The following C2orf78 variants were observed in gnomAD, a reference collection of about 807,000 sequenced individuals.
C2orf78 encodes uncharacterized protein C2orf78.
C2orf78 carries 12 observed loss-of-function variants against 21.4 expected under a neutral mutation model. The observed-to-expected ratio is 0.56, with a 90% CI of 0.36 to 0.91. The LOEUF is 0.91. Among genes scored for constraint, C2orf78 ranks in the 40% least tolerant of loss-of-function variants. The pLI, the probability that C2orf78 is intolerant of heterozygous loss-of-function variation, is 0.01. For synonymous variants in C2orf78, 396 were observed against 413.9 expected (o/e 0.96, Z 0.52); for missense variants, 1,042 against 1,092.4 (o/e 0.95, Z 0.65).
chr2:73,813,927 C>T, exon 2 of C2orf78: 2 of 1,614,060 alleles, frequency 1.2e-6, no homozygotes, highest in Non-Finnish European at 1.7e-6. Flanking sequence ...TCACTATCTG[C>T]CAGCCTTGTT....
At chr2:73,814,711 C>T (rs1673158622) in intron 2 of C2orf78, among the ~76,000 whole-genome samples, 1 of 152,190 alleles carries the variant, frequency 6.6e-6, no homozygotes, top group Admixed American at 6.5e-5. Context: ...CCACTCTCTA[C>T]CTTACCCTAG....
chr2:73,808,912 A>AAAC (rs1229635912), intron 1 of C2orf78: 2 of 880,842 alleles, frequency 2.3e-6, no homozygotes, highest in African/African-American at 3.5e-5. Context: ...GTAAAGAGAG[A>AAAC]AACTTTTTAA....
intron 1 of C2orf78, among the ~76,000 whole-genome samples, chr2:73,812,385 T>C (rs1673107164): frequency 6.6e-6 from 1 of 152,224 alleles, no homozygotes; most frequent in African/African-American, 2.4e-5. Flanking sequence ...TCTTCCTCAT[T>C]ATAAGTCATA....
intron 1 of C2orf78, among the ~76,000 whole-genome samples, chr2:73,784,872 A>G (rs1672895958): frequency 6.6e-6 from 1 of 151,398 alleles, no homozygotes; most frequent in Non-Finnish European, 1.5e-5. Flanking sequence ...GATGTTTTAA[A>G]TAATATTCAG....
intron 1 of C2orf78, among the ~76,000 whole-genome samples, chr2:73,811,198 G>A (rs1163365285): frequency 6.6e-6 from 1 of 151,790 alleles, no homozygotes; most frequent in Non-Finnish European, 1.5e-5. Flanking sequence ...GGCTTAGGCA[G>A]GAGAATCTCT....
Position 73,816,100 on chromosome 2 carries a change from T to C in C2orf78, c.1877T>C (p.Leu626Pro), listed in dbSNP as rs1207635339. The stretch of plus-strand genomic sequence containing the variant: ...ACCCTTAAAAAGCCCCGAAGCTCCC[T>C]AGGCATGCACATGCTAGAGTCCGTG... The change falls in exon 3 of 3, where the codon CTA becomes CCA. Residue 626 changes from leucine (L) to proline (P), a missense_variant. Leu to Pro is a moderately conservative substitution (Grantham distance 98). Coordinates refer to ENST00000409561, the Ensembl canonical transcript of C2orf78. 3.7e-6 allele frequency: 6 copies of C among 1,613,922 alleles called. No individual in the cohort carries two copies. In the South Asian group the frequency reaches 5.5e-5, roughly 15 times the overall value.
intron 1 of C2orf78, chr2:73,808,833 C>T (rs1673011509): frequency 7.4e-7 from 1 of 1,359,826 alleles, no homozygotes; most frequent in African/African-American, 1.5e-5. Flanking sequence ...GCCACCCAGA[C>T]ATCCGCTAGT....
chr2:73,815,197 G>A (rs1160473647), exon 3 of C2orf78: 2 of 1,613,958 alleles, frequency 1.2e-6, no homozygotes, highest in South Asian at 1.1e-5. Context: ...ACACTTGAGA[G>A]TAACCCATCA....
At chr2:73,816,577 A>G in exon 3 of C2orf78, 1 of 1,613,374 alleles carries the variant, frequency 6.2e-7, no homozygotes, top group Non-Finnish European at 8.5e-7. Flanking sequence ...ACACCAGCTC[A>G]GCCAATTTCA....
exon 3 of C2orf78, chr2:73,815,096 T>G: frequency 6.2e-7 from 1 of 1,613,150 alleles, no homozygotes; most frequent in Non-Finnish European, 8.5e-7. Flanking sequence ...TGGGGATGGA[T>G]ACTTCCCTGG....
chr2:73,810,524 T>C (rs992408980), intron 1 of C2orf78, among the ~76,000 whole-genome samples: 1 of 117,244 alleles, frequency 8.5e-6, no homozygotes, highest in Non-Finnish European at 1.8e-5. Context: ...CGAAACTCTG[T>C]CTCAAAAAGA....
chr2:73,810,625 T>TAA (rs398104439), intron 1 of C2orf78, among the ~76,000 whole-genome samples: 3 of 135,370 alleles, frequency 2.2e-5, no homozygotes, highest in Non-Finnish European at 4.7e-5. Context: ...TATATATACA[T>TAA]AATATATATA....
chr2:73,816,278 G>C, exon 3 of C2orf78: 2 of 1,613,896 alleles, frequency 1.2e-6, no homozygotes, highest in Non-Finnish European at 1.7e-6. Flanking sequence ...AAGGCCCGGA[G>C]AAAATTCAAG....
At chr2:73,815,105 G>T in exon 3 of C2orf78, 1 of 1,613,626 alleles carries the variant, frequency 6.2e-7, no homozygotes, top group Non-Finnish European at 8.5e-7. Context: ...ATACTTCCCT[G>T]GGATTGCAAT....
At chr2:73,784,696 T>C (rs1400713183) in intron 1 of C2orf78, among the ~76,000 whole-genome samples, 248 of 150,162 alleles carry the variant, frequency 1.7e-3, no homozygotes, top group African/African-American at 5.4e-3. Context: ...GGTATACGTA[T>C]AGAAAATGAA....
At chr2:73,809,648 G>A (rs1041554217) in intron 1 of C2orf78, among the ~76,000 whole-genome samples, 7 of 152,094 alleles carry the variant, frequency 4.6e-5, no homozygotes, top group Admixed American at 1.3e-4. Context: ...CTCAGCCAGG[G>A]TTGGGGGTGT....
At chr2:73,808,947 C>G (rs1462075308) in intron 1 of C2orf78, 1 of 616,922 alleles carries the variant, frequency 1.6e-6, no homozygotes, top group Admixed American at 2.9e-5. Context: ...GATTTCTTTG[C>G]CACTAAATTT....
exon 2 of C2orf78, chr2:73,813,600 C>A (rs1673131215): frequency 1.2e-6 from 2 of 1,614,046 alleles, no homozygotes; most frequent in South Asian, 2.2e-5. Flanking sequence ...TCTGCTCCAG[C>A]CATCAGCTCA....
intron 1 of C2orf78, among the ~76,000 whole-genome samples, chr2:73,811,352 G>C: frequency 6.6e-6 from 1 of 152,100 alleles, no homozygotes; most frequent in African/African-American, 2.4e-5. Context: ...GTTACCTAGA[G>C]AGCTGGAGGA....
Sources: allele counts gnomAD v4.1 joint callset (sites outside exome capture counted in the v4.1 genomes callset), GRCh38; gene constraint gnomAD v4.1.1; transcripts MANE v1.5; gene names NCBI Gene and HGNC (gene_info 2026-07-23, HGNC 2026-07-21).